The following GRID2 variants were observed in gnomAD, a reference collection of about 807,000 sequenced individuals.
GRID2 encodes glutamate ionotropic receptor delta type subunit 2, also known as glutamate receptor ionotropic, delta-2.
GRID2 carries 33 observed loss-of-function variants against 114.8 expected under a neutral mutation model. The observed-to-expected ratio is 0.29, with a 90% CI of 0.22 to 0.38. The LOEUF (loss-of-function observed/expected upper bound fraction) is 0.38, where lower values mean the gene tolerates loss of function less well. Ranked by LOEUF, GRID2 falls within the 10% of genes least tolerant of loss-of-function variation. The pLI, the probability that GRID2 is intolerant of heterozygous loss-of-function variation, is 1.00. For synonymous variants in GRID2, 505 were observed against 449.9 expected (o/e 1.12, Z -1.55); for missense variants, 1,184 against 1,257.7 (o/e 0.94, Z 0.89).
At chr4:92,858,712 C>A (rs1352349912) in intron 2 of GRID2, among the ~76,000 whole-genome samples, 2 of 152,066 alleles carry the variant, frequency 1.3e-5, no homozygotes, top group Admixed American at 6.5e-5. Flanking sequence ...CACCCACCAC[C>A]ACACCTGGCT....
chr4:93,018,060 G>GT (rs1179648721), intron 2 of GRID2, among the ~76,000 whole-genome samples: 1 of 151,548 alleles, frequency 6.6e-6, no homozygotes, highest in Non-Finnish European at 1.5e-5. Flanking sequence ...ATGTCCTACA[G>GT]TTTTTCACTG....
intron 2 of GRID2, among the ~76,000 whole-genome samples, chr4:92,699,516 A>G (rs1019780795): frequency 2.0e-5 from 3 of 152,224 alleles, no homozygotes; most frequent in African/African-American, 4.8e-5. Context: ...TGATCATTAA[A>G]TGGCAGATAT....
intron 11 of GRID2, among the ~76,000 whole-genome samples, chr4:93,460,753 G>T (rs1005461455): frequency 6.6e-6 from 1 of 152,090 alleles, no homozygotes; most frequent in Non-Finnish European, 1.5e-5. Flanking sequence ...AAAGCATGGA[G>T]GTTAGCTGCA....
chr4:93,292,373 AG>A (rs1753844435), intron 8 of GRID2, among the ~76,000 whole-genome samples: 1 of 152,164 alleles, frequency 6.6e-6, no homozygotes, highest in Non-Finnish European at 1.5e-5. Flanking sequence ...AAATACCAGG[AG>A]AAATTTAGAG....
At chr4:92,972,717 A>G (rs1346810724) in intron 2 of GRID2, among the ~76,000 whole-genome samples, 1 of 152,006 alleles carries the variant, frequency 6.6e-6, no homozygotes, top group East Asian at 1.9e-4. Context: ...TATTAAGCCT[A>G]GTACCCACTG....
intron 2 of GRID2, among the ~76,000 whole-genome samples, chr4:92,720,570 A>G (rs879846621): frequency 6.6e-6 from 1 of 152,084 alleles, no homozygotes; most frequent in Non-Finnish European, 1.5e-5. Context: ...CTCTTGTCCT[A>G]TAAGCAAATA....
chr4:92,979,484 A>C (rs1286979988), intron 2 of GRID2, among the ~76,000 whole-genome samples: 2 of 152,166 alleles, frequency 1.3e-5, no homozygotes, highest in Non-Finnish European at 2.9e-5. Context: ...CCTATGAATA[A>C]AATTCTGTGT....
intron 4 of GRID2, among the ~76,000 whole-genome samples, chr4:93,194,524 A>C (rs999213152): frequency 6.6e-6 from 1 of 152,136 alleles, no homozygotes; most frequent in African/African-American, 2.4e-5. Context: ...GTGGACTGGC[A>C]GGTATTGGCA....
chr4:92,380,525 A>AT lies in GRID2; in HGVS notation c.88+75786dup, dbSNP rs1729569002. ...TTTGATTTGGCTCCATTTTTGTCTC[A>AT]TTTTTCTATGTATTTTAAGTATATT... On this transcript the variant is annotated intron_variant, in intron 1 of 15. Coordinates refer to ENST00000282020, the MANE Select transcript of GRID2 (RefSeq NM_001510.4). Among the ~76,000 whole-genome samples the AT allele has an allele frequency of 4.0e-5, 6 of 151,762 alleles. No individual in the cohort carries two copies. In the South Asian group the frequency reaches 1.2e-3, roughly 32 times the overall value.
At chr4:92,860,766 G>A (rs148042537) in intron 2 of GRID2, among the ~76,000 whole-genome samples, 6 of 151,934 alleles carry the variant, frequency 3.9e-5, no homozygotes, top group South Asian at 4.2e-4. Context: ...CTGCCATTTC[G>A]CCTGAACCCT....
intron 2 of GRID2, among the ~76,000 whole-genome samples, chr4:92,989,059 C>T (rs952558407): frequency 2.0e-5 from 3 of 151,922 alleles, no homozygotes; most frequent in Admixed American, 6.6e-5. Flanking sequence ...GGGCAGATCA[C>T]GAGGTCCGGA....
chr4:92,997,422 T>C (rs1446414625), intron 2 of GRID2, among the ~76,000 whole-genome samples: 4 of 152,124 alleles, frequency 2.6e-5, no homozygotes, highest in Non-Finnish European at 4.4e-5. Context: ...CCTCATAAGA[T>C]CAGAGACCCT....
At chr4:93,751,514 C>T (rs1654389355) in intron 14 of GRID2, among the ~76,000 whole-genome samples, 1 of 152,118 alleles carries the variant, frequency 6.6e-6, no homozygotes, top group Non-Finnish European at 1.5e-5. Context: ...GGAAATGCTC[C>T]TGTGGCATTA....
At chr4:92,377,621 C>T (rs1026437955) in intron 1 of GRID2, among the ~76,000 whole-genome samples, 1 of 152,090 alleles carries the variant, frequency 6.6e-6, no homozygotes, top group African/African-American at 2.4e-5. Context: ...CTGATAAAGA[C>T]ATACCTGAGA....
intron 4 of GRID2, among the ~76,000 whole-genome samples, chr4:93,134,358 A>G (rs899904868): frequency 6.6e-6 from 1 of 152,178 alleles, no homozygotes; most frequent in Non-Finnish European, 1.5e-5. Flanking sequence ...TTGAATTGCG[A>G]TCTGAATTTT....
chr4:92,801,245 A>T (rs1315634424), intron 2 of GRID2, among the ~76,000 whole-genome samples: 1 of 151,996 alleles, frequency 6.6e-6, no homozygotes, highest in Non-Finnish European at 1.5e-5. Flanking sequence ...CTCTTTGCCA[A>T]TCATTTATCT....
chr4:93,076,501 C>G (rs1729315469), intron 2 of GRID2, among the ~76,000 whole-genome samples: 1 of 151,630 alleles, frequency 6.6e-6, no homozygotes, highest in Non-Finnish European at 1.5e-5. Flanking sequence ...TACACTTTTC[C>G]TAATGTTAAC....
At chr4:93,040,095 G>T (rs575887123) in intron 2 of GRID2, among the ~76,000 whole-genome samples, 17 of 152,174 alleles carry the variant, frequency 1.1e-4, no homozygotes, top group Admixed American at 9.2e-4. Context: ...TCATTGGACT[G>T]ATTTATGTTC....
intron 1 of GRID2, among the ~76,000 whole-genome samples, chr4:92,488,706 C>T (rs1320842144): frequency 6.6e-6 from 1 of 152,096 alleles, no homozygotes; most frequent in Non-Finnish European, 1.5e-5. Flanking sequence ...AAAGAACGTA[C>T]CTCTTGTGCC....
Sources: allele counts gnomAD v4.1 joint callset (sites outside exome capture counted in the v4.1 genomes callset), GRCh38; gene constraint gnomAD v4.1.1; transcripts MANE v1.5; gene names NCBI Gene and HGNC (gene_info 2026-07-23, HGNC 2026-07-21).